The following GRIN2C variants were observed in gnomAD, a reference collection of about 807,000 sequenced individuals.
GRIN2C encodes glutamate ionotropic receptor NMDA type subunit 2C.
In GRIN2C, 64 loss-of-function variants were observed where a neutral mutation model predicts 77.7. The ratio of observed to expected loss-of-function variants is 0.82; its 90% CI spans 0.67 to 1.01. The LOEUF (loss-of-function observed/expected upper bound fraction) is 1.01, where lower values mean the gene tolerates loss of function less well. GRIN2C is among the 50% of genes least tolerant of loss of function. GRIN2C has a pLI of 0.00. For synonymous variants in GRIN2C, 792 were observed against 643.4 expected (o/e 1.23, Z -3.49); for missense variants, 1,549 against 1,486.0 (o/e 1.04, Z -0.70).
At chr17:74,856,440 C>T (rs1253740211) in intron 1 of GRIN2C, among the ~76,000 whole-genome samples, 1 of 150,902 alleles carries the variant, frequency 6.6e-6, no homozygotes, top group Non-Finnish European at 1.5e-5. Flanking sequence ...AGCTTTCTCA[C>T]AGGGCCTTCC....
chr17:74,842,805 T>G lies in GRIN2C; in HGVS notation c.3332A>C (p.His1111Pro). The G allele has an allele frequency of 1.2e-5, 7 of 575,122 alleles. No homozygotes were observed. Among genetic ancestry groups the G allele is most frequent in the East Asian group, 3.4e-5 (1 of 29,398 alleles). The allele number at this position is 575,122 out of a possible 1,614,324, so 35.6% of individuals were successfully genotyped here. The change falls in exon 13 of 13, where the codon CAC (histidine) becomes CCC (proline). Residue 1111 changes from histidine to proline, a missense_variant. Physicochemically the swap from His to Pro is moderately conservative, Grantham distance 77 (BLOSUM62 -2). This residue lies in a region of GRIN2C where 450 missense variants were observed against 267.9 expected (regional missense o/e 1.68). Transcript: ENST00000293190. ...CTGCGCCAAGCGCCTGCAGGCCGAG[T>G]GGCCGTCGGGGCGGGCGCAGGCGGG... ...TGPACARPDGHSACRRLAQAQ... is the reference protein window; with the variant it reads ...TGPACARPDGPSACRRLAQAQ...
Position 74,843,616 on chromosome 17 carries a change from G to C in GRIN2C, c.2584-63C>G, listed in dbSNP as rs368687046. The C allele has an allele frequency of 3.2e-5, 49 of 1,514,538 alleles. 2 individuals carry two copies. Among genetic ancestry groups the C allele is most frequent in the East Asian group, 1.7e-4 (7 of 40,380 alleles). The allele number at this position is 1,514,538 out of a possible 1,614,324, so 93.8% of individuals were successfully genotyped here. On this transcript the variant is annotated intron_variant, in intron 12 of 12. Transcript: ENST00000293190. Reference sequence around the variant, plus strand: ...CTCCGCTCAGGGACCCGCCACGATTGTCCCTGCCTGGTCCCAAGGCATCAT... The same window carrying C: ...CTCCGCTCAGGGACCCGCCACGATTCTCCCTGCCTGGTCCCAAGGCATCAT...
rs1353259092 is a variant in GRIN2C, at chr17:74,850,348, G to T, written c.1349C>A (p.Thr450Asn). The change falls in exon 6 of 13, where the codon ACC (threonine) becomes AAC (asparagine). Residue 450 changes from threonine to asparagine, a missense_variant. Physicochemically the swap from Thr to Asn is moderately conservative, Grantham distance 65. Around this residue, in one of 3 missense-constraint regions of GRIN2C, gnomAD observed 717 missense variants for 858.1 expected, o/e 0.84. Coordinates refer to ENST00000293190, the MANE Select transcript of GRIN2C (RefSeq NM_000835.6). This position sits in a 1 kb window ranked among gnomAD's most constrained non-coding sequence, Gnocchi z 5.3. The part of the protein sequence containing the change: ...TFSSGDVAPY[T>N]KLCCKGFCID... ...GCAGAATCCCTTACAGCAGAGCTTG[G>T]TGTAGGGGGCCACGTCCCCGCTGCT... The T allele has an allele frequency of 2.5e-6, 4 of 1,613,144 alleles. No homozygotes were observed. The highest frequency in any genetic ancestry group is 3.4e-6 in the Non-Finnish European group (4 of 1,179,928).
In GRIN2C at chr17:74,849,141, G is replaced by A. The variant is rs556231048; in HGVS notation, c.1645+639C>T. On this transcript the variant is annotated intron_variant, in intron 7 of 12. Coordinates refer to ENST00000293190, the MANE Select transcript of GRIN2C (RefSeq NM_000835.6). This position sits in a 1 kb window ranked among gnomAD's most constrained non-coding sequence, Gnocchi z 4.6. ...AGTGGTTTTTTTTTTCCTCTCTTCC[G>A]TGGCTGAGGAGCCTGCTCAGAGAGG... Among the ~76,000 whole-genome samples the A allele has an allele frequency of 4.8e-4, 68 of 140,726 alleles. No homozygotes were observed. Among genetic ancestry groups the A allele is most frequent in the Non-Finnish European group, 8.5e-4 (53 of 62,430 alleles). The allele number at this position is 140,726 out of a possible 152,430, so 92.3% of individuals were successfully genotyped here.
chr17:74,843,230 C>G lies in GRIN2C; in HGVS notation c.2907G>C (p.Ala969=). The change falls in exon 13 of 13, where the codon GCG becomes GCC. Residue 969 remains alanine (A), a synonymous_variant. Coordinates refer to ENST00000293190, the MANE Select transcript of GRIN2C (RefSeq NM_000835.6). ...GGGGCTGCGGAGCCCTGCGCACAAG[C>G]GCCGCGCGACCCCCGTCTGGCGGTC... ...GWGPPDGGRA[A]LVRRAPQPPG... The G allele has an allele frequency of 1.6e-6, 1 of 608,974 alleles. No homozygotes were observed. 37.7% of individuals were successfully genotyped at this position (608,974 alleles called of 1,614,324 possible). A position where few individuals can be genotyped will look rare whatever the true frequency, so the allele number is the denominator to read the frequency against.
upstream of GRIN2C, chr17:74,861,521 G>A (rs1351822618): frequency 6.6e-6 from 1 of 151,168 alleles, no homozygotes; most frequent in Non-Finnish European, 1.5e-5. Context: ...GAGGGCTGGC[G>A]CGCTCAGTCT....
chr17:74,853,417 G>C (rs2037723258), intron 2 of GRIN2C: 2 of 152,234 alleles, frequency 1.3e-5, no homozygotes, highest in African/African-American at 4.8e-5. Flanking sequence ...GTGTGGACCC[G>C]ATTTGGCTCT....
At position 74,855,067 on chromosome 17, in the gene GRIN2C, A is replaced by G; in HGVS notation, c.26T>C (p.Leu9Pro). MGGALGPA[L>P]LLTSLFGAWA... ...GGCACCGAAGAGCGAGGTGAGCAACAGGGCCGGCCCCAGGGCCCCACCCAT... is the reference window on the plus strand; with the variant it reads ...GGCACCGAAGAGCGAGGTGAGCAACGGGGCCGGCCCCAGGGCCCCACCCAT... The change falls in exon 2 of 13, where the codon CTG becomes CCG. Residue 9 changes from leucine (L) to proline (P), a missense_variant. This residue lies in a region of GRIN2C where 382 missense variants were observed against 360.0 expected (regional missense o/e 1.06). Coordinates refer to ENST00000293190, the MANE Select transcript of GRIN2C (RefSeq NM_000835.6). 1.3e-6 allele frequency: 2 copies of G among 1,593,328 alleles called. No individual in the cohort carries two copies. Among genetic ancestry groups the G allele is most frequent in the Non-Finnish European group, 1.7e-6 (2 of 1,176,052 alleles).
At position 74,859,243 on chromosome 17, in the gene GRIN2C, A is replaced by C. The variant is rs1359934815; in HGVS notation, c.-16+501T>G. On this transcript the variant is annotated intron_variant, in intron 1 of 12. Transcript: ENST00000293190. This position sits in a 1 kb window ranked among gnomAD's most constrained non-coding sequence, Gnocchi z 5.9. Reference sequence around the variant, plus strand: ...TGTTTGACAAACACAGAGATCCCCAAAGAGCCCCAGAGAGGATGGCAGTGG... The same window carrying C: ...TGTTTGACAAACACAGAGATCCCCACAGAGCCCCAGAGAGGATGGCAGTGG... 6.6e-6 allele frequency among the ~76,000 whole-genome samples: 1 copy of C among 152,124 alleles called. No homozygotes were observed.
In GRIN2C at chr17:74,847,717, C is replaced by G. The variant is rs969313627; in HGVS notation, c.1771+135G>C. 1.6e-5 allele frequency: 15 copies of G among 915,014 alleles called. No homozygotes were observed. The African/African-American group carries it at 2.1e-4, about 13-fold the overall frequency. 56.7% of individuals were successfully genotyped at this position (915,014 alleles called of 1,614,324 possible). On this transcript the variant is annotated intron_variant, in intron 8 of 12. Transcript: ENST00000293190. The surrounding 1 kb of genome is among the most constrained non-coding windows in gnomAD (Gnocchi z 5.2). ...GTGTGTTTCTGTGTGTGTGTGTCAT[C>G]TGACTGGCCCCCAGCATGTGCCATC...
chr17:74,848,521 G>A (rs1461068221), intron 7 of GRIN2C, among the ~76,000 whole-genome samples: 5 of 152,104 alleles, frequency 3.3e-5, no homozygotes, highest in South Asian at 2.1e-4. Flanking sequence ...CCAACATGGC[G>A]AAACCCTGTC....
chr17:74,842,875 C>T lies in GRIN2C; in HGVS notation c.3262G>A (p.Glu1088Lys), dbSNP rs1028191139. Residue 1088 changes from glutamate to lysine, a missense_variant, in exon 13 of 13, where the codon GAG becomes AAG. Around this residue, in one of 3 missense-constraint regions of GRIN2C, gnomAD observed 450 missense variants for 267.9 expected, o/e 1.68. Coordinates refer to ENST00000293190, the MANE Select transcript of GRIN2C (RefSeq NM_000835.6). The stretch of plus-strand genomic sequence containing the variant: ...AGCGAGCTGGGCCGAGCGAAGGCCT[C>T]GGCCACGGAGCTGGGCAGGGAAGCG... ...RHASLPSSVA[E>K]AFARPSSLPA... 3 of 563,630 alleles carry T rather than the reference C, an allele frequency of 5.3e-6. No homozygotes were observed. Among genetic ancestry groups the T allele is most frequent in the East Asian group, 3.4e-5 (1 of 29,726 alleles). The allele number at this position is 563,630 out of a possible 1,614,324, so 34.9% of individuals were successfully genotyped here. A position where few individuals can be genotyped will look rare whatever the true frequency, so the allele number is the denominator to read the frequency against.
Position 74,844,167 on chromosome 17 carries a change from C to T in GRIN2C, c.2583+109G>A, listed in dbSNP as rs143946493. ...GAGATTACAGGTGTGAGCCATGAGC[C>T]GGGCCAGAACCTTGGTTTTACCTCT... On this transcript the variant is annotated intron_variant, in intron 12 of 12. Transcript: ENST00000293190. 1,527 of 1,509,670 alleles carry T rather than the reference C, an allele frequency of 1.0e-3. 11 individuals are homozygous for T. The African/African-American group carries it at 0.019, about 18-fold the overall frequency. 93.5% of individuals were successfully genotyped at this position (1,509,670 alleles called of 1,614,324 possible).
intron 12 of GRIN2C, chr17:74,844,027 C>T: frequency 1.4e-6 from 1 of 714,408 alleles, no homozygotes; most frequent in South Asian, 2.0e-5. Flanking sequence ...GCGCGCACCA[C>T]CACGCCCAGC....
Position 74,850,325 on chromosome 17 carries a change from A to G in GRIN2C, c.1372T>C (p.Cys458Arg). The G allele has an allele frequency of 1.2e-6, 2 of 1,613,822 alleles. No individual in the cohort carries two copies. The highest frequency in any genetic ancestry group is 1.7e-6 in the Non-Finnish European group (2 of 1,179,982). Residue 458 changes from cysteine to arginine, a missense_variant, in exon 6 of 13, where the codon TGC becomes CGC. By Grantham distance (180) the Cys-to-Arg change is radical. This residue lies in a region of GRIN2C where 717 missense variants were observed against 858.1 expected (regional missense o/e 0.84). Transcript: ENST00000293190. The surrounding 1 kb of genome is among the most constrained non-coding windows in gnomAD (Gnocchi z 5.3). ...PYTKLCCKGF[C>R]IDILKKLARV... Reference sequence around the variant, plus strand: ...GCCAGCTTCTTGAGGATGTCGATGCAGAATCCCTTACAGCAGAGCTTGGTG... The same window carrying G: ...GCCAGCTTCTTGAGGATGTCGATGCGGAATCCCTTACAGCAGAGCTTGGTG...
chr17:74,852,077 C>T lies in GRIN2C; in HGVS notation c.934G>A (p.Ala312Thr). 6.9e-7 allele frequency: 1 copy of T among 1,459,048 alleles called. No homozygotes were observed. The allele number at this position is 1,459,048 out of a possible 1,614,324, so 90.4% of individuals were successfully genotyped here. A position where few individuals can be genotyped will look rare whatever the true frequency, so the allele number is the denominator to read the frequency against. ...TGAACACGGCAGTCCCCGGCCGGGG[C>T]TGGCAGGGTTCCATGCTGGCGCCAG... is the stretch of plus-strand genomic sequence containing the variant. ...SYWRQHGTLP[A>T]PAGDCRVHPG... The change falls in exon 3 of 13, where the codon GCC (alanine) becomes ACC (threonine). Residue 312 changes from alanine to threonine, a missense_variant. By Grantham distance (58) the Ala-to-Thr change is moderately conservative. This residue lies in a region of GRIN2C where 717 missense variants were observed against 858.1 expected (regional missense o/e 0.84). Transcript: ENST00000293190.
In GRIN2C at chr17:74,842,905, G is replaced by A. The variant is rs2037336624; in HGVS notation, c.3232C>T (p.Arg1078Cys). Residue 1078 changes from arginine to cysteine, a missense_variant, in exon 13 of 13, where the codon CGT (arginine) becomes TGT (cysteine). By Grantham distance (180) the Arg-to-Cys change is radical. Coordinates refer to ENST00000293190, the MANE Select transcript of GRIN2C (RefSeq NM_000835.6). ...HAAWARGSRP[R>C]HASLPSSVAE... ...ACGGAGCTGGGCAGGGAAGCGTGAC[G>A]CGGGCGCGAGCCCCGGGCCCAGGCC... 1.8e-6 allele frequency: 1 copy of A among 570,210 alleles called. No homozygotes were observed. The highest frequency in any genetic ancestry group is 3.1e-6 in the Non-Finnish European group (1 of 324,732). 35.3% of individuals were successfully genotyped at this position (570,210 alleles called of 1,614,324 possible). A position where few individuals can be genotyped will look rare whatever the true frequency, so the allele number is the denominator to read the frequency against.
In GRIN2C at chr17:74,847,813, C is replaced by G. The variant is rs778921448; in HGVS notation, c.1771+39G>C. 1.2e-6 allele frequency: 2 copies of G among 1,611,574 alleles called. No homozygotes were observed. Among genetic ancestry groups the G allele is most frequent in the East Asian group, 4.5e-5 (2 of 44,862 alleles). ...CCCCTGAGCCCAGCCCTCAGGGTGC[C>G]CAGGCCCACCCCTCCTGCCGGGCCC... On this transcript the variant is annotated intron_variant, in intron 8 of 12. Coordinates refer to ENST00000293190, the MANE Select transcript of GRIN2C (RefSeq NM_000835.6). This position sits in a 1 kb window ranked among gnomAD's most constrained non-coding sequence, Gnocchi z 5.2.
Position 74,852,609 on chromosome 17 carries a change from C to G in GRIN2C, c.402G>C (p.Glu134Asp). 1 of 1,238,574 alleles carries G rather than the reference C, an allele frequency of 8.1e-7. No individual in the cohort carries two copies. The allele number at this position is 1,238,574 out of a possible 1,614,324, so 76.7% of individuals were successfully genotyped here. A position where few individuals can be genotyped will look rare whatever the true frequency, so the allele number is the denominator to read the frequency against. Residue 134 changes from glutamate (E) to aspartate (D), a missense_variant and splice_region_variant, in exon 3 of 13, where the codon GAG (glutamate) becomes GAC (aspartate). Glu to Asp is a conservative substitution (Grantham distance 45, BLOSUM62 2). This residue lies in a region of GRIN2C where 382 missense variants were observed against 360.0 expected (regional missense o/e 1.06). Transcript: ENST00000293190. Reference sequence around the variant, plus strand: ...CCAGCTGCAGGAAGGCGGAGCCCGGCTCCTGGGGGCGGGCGGGGCCTGAGC... The same window carrying G: ...CCAGCTGCAGGAAGGCGGAGCCCGGGTCCTGGGGGCGGGCGGGGCCTGAGC... ...GGSAVVLTPK[E>D]PGSAFLQLGV...
Sources: allele counts gnomAD v4.1 joint callset (sites outside exome capture counted in the v4.1 genomes callset), GRCh38; gene constraint gnomAD v4.1.1; regional missense constraint gnomAD v4.1.1; non-coding constraint Gnocchi (gnomAD v3.1); transcripts MANE v1.5; gene names NCBI Gene and HGNC (gene_info 2026-07-23, HGNC 2026-07-21).